Variants in ARL17B observed in about 807,000 individuals in gnomAD.
ARL17B encodes ARF like GTPase 17B, also known as ADP-ribosylation factor-like protein 17.
chr17:46,286,818 G>A (rs1225468369), intron 4 of ARL17B, among the ~76,000 whole-genome samples: 3 of 152,250 alleles, frequency 2.0e-5, no homozygotes, highest in Non-Finnish European at 4.4e-5. Flanking sequence ...GTGTTCTGCA[G>A]ATACAGTACA....
At chr17:46,278,266 C>T (rs902296374) in intron 4 of ARL17B, among the ~76,000 whole-genome samples, 1 of 152,152 alleles carries the variant, frequency 6.6e-6, no homozygotes, top group Admixed American at 6.6e-5. Flanking sequence ...TCTTATACTG[C>T]TCTTTCTTGT....
chr17:46,291,737 C>T (rs1010572207), intron 4 of ARL17B, among the ~76,000 whole-genome samples: 1 of 151,660 alleles, frequency 6.6e-6, no homozygotes, highest in African/African-American at 2.4e-5. Flanking sequence ...CCAGCCTGGG[C>T]AACATGGCAA....
intron 4 of ARL17B, among the ~76,000 whole-genome samples, chr17:46,283,515 C>G (rs574916113): frequency 6.6e-4 from 101 of 152,320 alleles, no homozygotes; most frequent in Non-Finnish European, 3.5e-4. Flanking sequence ...ACATGAAATA[C>G]TTTATATTAG....
chr17:46,278,401 G>GT (rs1464305633), intron 4 of ARL17B, among the ~76,000 whole-genome samples: 1,301 of 129,512 alleles, frequency 0.01, 17 homozygotes, highest in East Asian at 0.034. Context: ...GTTTTATTTT[G>GT]TTTTTTTTTT....
rs1410139458 is a variant in ARL17B at position 46,308,799 on chromosome 17, A to G, written c.260-9134T>C. Among the ~76,000 whole-genome samples the G allele has an allele frequency of 2.6e-5, 2 of 76,218 alleles. 1 individual carries two copies. The highest frequency in any genetic ancestry group is 2.8e-4 in the Admixed American group (2 of 7,246). The allele number at this position is 76,218 out of a possible 152,430, so 50.0% of individuals were successfully genotyped here. The stretch of plus-strand genomic sequence containing the variant: ...TTACACAAGTTTATAAAAAACAAAC[A>G]AAAAAAGAGGCCCCAGCTGTGGTTG... On this transcript the variant is annotated intron_variant, in intron 3 of 4. Transcript: ENST00000434041.
chr17:46,291,422 G>A (rs552278626), intron 4 of ARL17B, among the ~76,000 whole-genome samples: 4 of 152,118 alleles, frequency 2.6e-5, no homozygotes, highest in Non-Finnish European at 4.4e-5. Flanking sequence ...GAAGGAGGAA[G>A]TGGTGGCTGA....
intron 4 of ARL17B, among the ~76,000 whole-genome samples, chr17:46,278,963 A>G (rs1358049268): frequency 1.3e-5 from 2 of 151,642 alleles, no homozygotes; most frequent in Admixed American, 6.6e-5. Flanking sequence ...ACGCCTAGCT[A>G]ATTTTTGTAT....
chr17:46,275,273 G>A (rs36039990), exon 5 of ARL17B: 134,494 of 536,210 alleles, frequency 0.25, 19,589 homozygotes, highest in Non-Finnish European at 0.33. Context: ...CAAAGTTTAG[G>A]TCAAGTCTTG....
At chr17:46,302,523 C>A (rs2050388678) in intron 3 of ARL17B, 1 of 154,782 alleles carries the variant, frequency 6.5e-6, no homozygotes, top group Non-Finnish European at 1.5e-5. Flanking sequence ...CAGAGCAGAT[C>A]CCACCATCTT....
rs552015661 is a variant in ARL17B, at chr17:46,284,241, C to T, written c.*22-8823G>A. The stretch of plus-strand genomic sequence containing the variant: ...TTCAGACTATCACATGGGGAGAAAC[C>T]TTGGACAATACCTGGCTTTCCTAGG... On this transcript the variant is annotated intron_variant, in intron 4 of 4. Coordinates refer to the ARL17B transcript ENST00000570618. 1.3e-3 allele frequency among the ~76,000 whole-genome samples: 205 copies of T among 152,346 alleles called. 2 individuals carry two copies. The highest frequency in any genetic ancestry group is 0.012 in the Admixed American group (182 of 15,286).
chr17:46,291,601 T>G (rs916668637), intron 4 of ARL17B, among the ~76,000 whole-genome samples: 1 of 151,630 alleles, frequency 6.6e-6, no homozygotes, highest in African/African-American at 2.4e-5. Context: ...TTCAAATGTT[T>G]GAAAATGAAA....
chr17:46,283,335 A>C (rs1287446615), intron 4 of ARL17B, among the ~76,000 whole-genome samples: 3 of 152,242 alleles, frequency 2.0e-5, no homozygotes, highest in African/African-American at 7.2e-5. Flanking sequence ...TAACACCATA[A>C]TAATCTGGTG....
At chr17:46,282,667 C>T (rs1310789545) in intron 4 of ARL17B, among the ~76,000 whole-genome samples, 2 of 152,042 alleles carry the variant, frequency 1.3e-5, no homozygotes, top group African/African-American at 4.8e-5. Context: ...AGCTATTCTC[C>T]CCACTCGGCT....
chr17:46,287,634 C>G (rs2696494), intron 4 of ARL17B, among the ~76,000 whole-genome samples: 21,508 of 151,616 alleles, frequency 0.14, 1,889 homozygotes, highest in Non-Finnish European at 0.21. Flanking sequence ...GCATGGGCCA[C>G]TTTTTCAGTT....
intron 4 of ARL17B, among the ~76,000 whole-genome samples, chr17:46,283,017 G>A (rs1319752002): frequency 3.9e-5 from 6 of 152,140 alleles, no homozygotes; most frequent in Admixed American, 3.3e-4. Flanking sequence ...TACGCGGGAG[G>A]CTGAGGCAGG....
At chr17:46,293,465 CA>C (rs1282709582) in intron 4 of ARL17B, 1 of 124,970 alleles carries the variant, frequency 8.0e-6, no homozygotes, top group African/African-American at 3.0e-5. Context: ...GATATTAGCA[CA>C]ATGGTGAAAT....
chr17:46,289,309 A>C (rs2050003338), intron 4 of ARL17B, among the ~76,000 whole-genome samples: 1 of 152,086 alleles, frequency 6.6e-6, no homozygotes, highest in Non-Finnish European at 1.5e-5. Context: ...CAACCCCTTC[A>C]AATAGCTACA....
chr17:46,311,673 T>C (rs1247880225), intron 3 of ARL17B, among the ~76,000 whole-genome samples: 1 of 85,702 alleles, frequency 1.2e-5, no homozygotes, highest in African/African-American at 3.5e-5. Flanking sequence ...TTCTGTCCCA[T>C]TGTTCTACAG....
intron 3 of ARL17B, among the ~76,000 whole-genome samples, chr17:46,340,155 A>AAC (rs1452988542): frequency 9.7e-6 from 1 of 102,798 alleles, no homozygotes; most frequent in Non-Finnish European, 2.4e-5. Flanking sequence ...CCCTCATTGA[A>AAC]AAAGGCTGCC....
Sources: gnomAD v4.1 joint callset for allele counts (sites outside exome capture counted in the v4.1 genomes callset) on GRCh38, gnomAD v4.1.1 for gene constraint, MANE v1.5 for transcripts, NCBI Gene and HGNC (gene_info 2026-07-23, HGNC 2026-07-21) for gene names.